Variants in PTPN2 observed in about 807,000 individuals in gnomAD.
The protein encoded by PTPN2 is tyrosine-protein phosphatase non-receptor type 2.
Under a neutral mutation model 57.3 loss-of-function variants are expected in PTPN2, and 19 were observed. The ratio of observed to expected loss-of-function variants is 0.33; its 90% CI spans 0.23 to 0.49. PTPN2 has a LOEUF of 0.49. PTPN2 is among the 20% of genes least tolerant of loss of function. The pLI, the probability that PTPN2 is intolerant of heterozygous loss-of-function variation, is 0.99. For missense variants in PTPN2, 358 were observed against 501.1 expected (o/e 0.71, Z 2.73); for synonymous variants, 153 against 164.9 (o/e 0.93, Z 0.55).
intron 7 of PTPN2, among the ~76,000 whole-genome samples, chr18:12,805,150 A>C (rs2041592911): frequency 6.6e-6 from 1 of 152,026 alleles, no homozygotes; most frequent in African/African-American, 2.4e-5. Context: ...ATGCAGAAAA[A>C]CCATTTGATA....
chr18:12,802,194 A>C (rs777680022), intron 7 of PTPN2, 43 bp from the exon 8 acceptor site: 3 of 1,420,110 alleles, frequency 2.1e-6, no homozygotes, highest in Non-Finnish European at 2.8e-6. Flanking sequence ...AAACATTAAA[A>C]ATTTATTTTC....
chr18:12,820,468 C>T (rs531862100), intron 5 of PTPN2, among the ~76,000 whole-genome samples: 21 of 151,692 alleles, frequency 1.4e-4, no homozygotes, highest in Admixed American at 5.9e-4. Flanking sequence ...CTCTTTTTCA[C>T]GCAGGAAAAA....
chr18:12,831,617 T>C (rs1387634947), intron 3 of PTPN2, among the ~76,000 whole-genome samples: 1 of 152,108 alleles, frequency 6.6e-6, no homozygotes, highest in Non-Finnish European at 1.5e-5. Flanking sequence ...AGAAAATCCA[T>C]GAGAAAAAAG....
intron 7 of PTPN2, among the ~76,000 whole-genome samples, chr18:12,811,262 G>A (rs2041880179): frequency 6.6e-6 from 1 of 152,080 alleles, no homozygotes; most frequent in African/African-American, 2.4e-5. Flanking sequence ...GTTCAACAAA[G>A]TACCCCACAA....
chr18:12,867,763 T>C (rs909223166), intron 1 of PTPN2, among the ~76,000 whole-genome samples: 6 of 152,226 alleles, frequency 3.9e-5, no homozygotes, highest in African/African-American at 1.4e-4. Context: ...GTGTTCTGCA[T>C]TATCTACTCT....
chr18:12,833,037 C>T (rs1251301511), intron 3 of PTPN2, among the ~76,000 whole-genome samples: 1 of 152,222 alleles, frequency 6.6e-6, no homozygotes, highest in Non-Finnish European at 1.5e-5. Flanking sequence ...GATCTGCCTG[C>T]CTCAGCCTCC....
At position 12,884,164 on chromosome 18, in the gene PTPN2, G is replaced by T; in HGVS notation, c.-23C>A. 6.4e-7 allele frequency: 1 copy of T among 1,565,504 alleles called. No homozygotes were observed. Among genetic ancestry groups the T allele is most frequent in the Non-Finnish European group, 8.6e-7 (1 of 1,157,610 alleles). ...CATGGCTGCGGGAGCGAGCTGGCGC[G>T]AGCAGAGCCTGCGCCGGCGGAGAGG... On this transcript the variant is annotated 5_prime_UTR_variant, in exon 1 of 9. Transcript: ENST00000309660.
intron 2 of PTPN2, among the ~76,000 whole-genome samples, chr18:12,842,760 G>C (rs1222788269): frequency 6.6e-6 from 1 of 152,176 alleles, no homozygotes; most frequent in Non-Finnish European, 1.5e-5. Context: ...CAGGGAAAAA[G>C]GACTGCTACT....
intron 2 of PTPN2, among the ~76,000 whole-genome samples, chr18:12,847,373 G>GTTCT (rs1165131699): frequency 6.6e-6 from 1 of 152,172 alleles, no homozygotes; most frequent in Non-Finnish European, 1.5e-5. Context: ...ATGAACCCTA[G>GTTCT]TTCTATATTT....
At position 12,851,335 on chromosome 18, in the gene PTPN2, C is replaced by T. The variant is rs2043387507; in HGVS notation, c.160+7829G>A. On this transcript the variant is annotated intron_variant, in intron 2 of 8. Coordinates refer to ENST00000309660, the MANE Select transcript of PTPN2 (RefSeq NM_002828.4). ...TCTACTAAAAATACAAAAAATTAGC[C>T]GGGCGCGGTGGCGGGCGCCTGTAGT... Among the ~76,000 whole-genome samples the T allele has an allele frequency of 5.0e-5, 2 of 39,704 alleles. 1 individual carries two copies. Among genetic ancestry groups the T allele is most frequent in the South Asian group, 2.5e-3 (2 of 816 alleles). The allele number at this position is 39,704 out of a possible 152,430, so 26.0% of individuals were successfully genotyped here. A position where few individuals can be genotyped will look rare whatever the true frequency, so the allele number is the denominator to read the frequency against.
chr18:12,841,388 T>C (rs1339636749), intron 2 of PTPN2, among the ~76,000 whole-genome samples: 1 of 152,186 alleles, frequency 6.6e-6, no homozygotes, highest in East Asian at 1.9e-4. Context: ...ATAAACACAT[T>C]TGATTTTCAT....
Position 12,862,978 on chromosome 18 carries a change from A to AG in PTPN2, c.70-3725dup, listed in dbSNP as rs547934911. Among the ~76,000 whole-genome samples the AG allele has an allele frequency of 1.1e-4, 17 of 152,208 alleles. No homozygotes were observed. In the East Asian group the frequency reaches 3.3e-3, roughly 29 times the overall value. ...GATCTGACACTGATGAGGCATTTTC[A>AG]GGAATACCCAAGACACAAAAATAAA... On this transcript the variant is annotated intron_variant, in intron 1 of 8. Coordinates refer to ENST00000309660, the MANE Select transcript of PTPN2 (RefSeq NM_002828.4).
intron 8 of PTPN2, among the ~76,000 whole-genome samples, chr18:12,796,816 C>T (rs896234327): frequency 3.9e-5 from 6 of 152,186 alleles, no homozygotes; most frequent in Non-Finnish European, 7.3e-5. Flanking sequence ...TTGCTCCACC[C>T]CCTCTAGCCC....
At chr18:12,826,714 G>A (rs374712617) in intron 4 of PTPN2, among the ~76,000 whole-genome samples, 2 of 151,954 alleles carry the variant, frequency 1.3e-5, no homozygotes, top group Admixed American at 6.5e-5. Flanking sequence ...GATTACAGGC[G>A]TCTGCCACCA....
chr18:12,875,523 G>T (rs2044458766), intron 1 of PTPN2, among the ~76,000 whole-genome samples: 2 of 135,698 alleles, frequency 1.5e-5, no homozygotes, highest in Admixed American at 6.8e-5. Context: ...ATTATTAAAA[G>T]TTCAGTTTAT....
intron 3 of PTPN2, among the ~76,000 whole-genome samples, chr18:12,834,249 C>A (rs957899332): frequency 6.6e-6 from 1 of 151,704 alleles, no homozygotes; most frequent in Non-Finnish European, 1.5e-5. Context: ...ATCACTTGAA[C>A]CCGGGAGGAG....
At chr18:12,854,452 G>GA (rs1394176424) in intron 2 of PTPN2, among the ~76,000 whole-genome samples, 1 of 151,972 alleles carries the variant, frequency 6.6e-6, no homozygotes, top group Non-Finnish European at 1.5e-5. Flanking sequence ...AATGAGGGAA[G>GA]AATCTGTTTC....
chr18:12,883,822 A>G (rs1306398858), intron 1 of PTPN2: 4 of 355,102 alleles, frequency 1.1e-5, no homozygotes, highest in African/African-American at 6.4e-5. Context: ...ACCGCCCTCC[A>G]GAACTAACTG....
At position 12,884,143 on chromosome 18, in the gene PTPN2, G is replaced by A. The variant is rs1463925344; in HGVS notation, c.-2C>T. ...CTCCCGCTCGATGGTGGTGGGCATGGCTGCGGGAGCGAGCTGGCGCGAGCA... is the reference window on the plus strand; with the variant it reads ...CTCCCGCTCGATGGTGGTGGGCATGACTGCGGGAGCGAGCTGGCGCGAGCA... On this transcript the variant is annotated 5_prime_UTR_variant, in exon 1 of 9. Transcript: ENST00000309660. 10 of 1,581,158 alleles carry A rather than the reference G, an allele frequency of 6.3e-6. No homozygotes were observed. In the African/African-American group the frequency reaches 8.1e-5, roughly 13 times the overall value.
Sources: allele counts gnomAD v4.1 joint callset (sites outside exome capture counted in the v4.1 genomes callset), GRCh38; gene constraint gnomAD v4.1.1; transcripts MANE v1.5; gene names NCBI Gene and HGNC (gene_info 2026-07-23, HGNC 2026-07-21).